The following HPCAL1 variants were observed in gnomAD, a reference collection of about 807,000 sequenced individuals.
The protein encoded by HPCAL1 is hippocalcin-like protein 1.
Under a neutral mutation model 17.1 loss-of-function variants are expected in HPCAL1, and 8 were observed. The ratio of observed to expected loss-of-function variants is 0.47; its 90% CI spans 0.27 to 0.84. The LOEUF (loss-of-function observed/expected upper bound fraction) is 0.84. HPCAL1 is among the 40% of genes least tolerant of loss of function. The pLI, the probability that HPCAL1 is intolerant of heterozygous loss-of-function variation, is 0.13. For missense variants in HPCAL1, 165 were observed against 271.1 expected (o/e 0.61, Z 2.75); for synonymous variants, 112 against 111.4 (o/e 1.01, Z -0.03).
chr2:10,365,170 T>C lies in HPCAL1; in HGVS notation c.-110-31665T>C, dbSNP rs1430103146. ...CTGAGTTCTGAACTTAGCCACCTCA[T>C]GTACGGAAGGAGAAATGGAGGCCGC... On this transcript the variant is annotated intron_variant, in intron 1 of 4. Coordinates refer to ENST00000307845, the MANE Select transcript of HPCAL1 (RefSeq NM_002149.4). This position sits in a 1 kb window ranked among gnomAD's most constrained non-coding sequence, Gnocchi z 4.8. Among the ~76,000 whole-genome samples the C allele has an allele frequency of 3.3e-5, 5 of 152,136 alleles. No individual in the cohort carries two copies. Among genetic ancestry groups the C allele is most frequent in the African/African-American group, 1.2e-4 (5 of 41,432 alleles).
chr2:10,374,912 G>A (rs1479679739), intron 1 of HPCAL1, among the ~76,000 whole-genome samples: 1 of 152,210 alleles, frequency 6.6e-6, no homozygotes, highest in Non-Finnish European at 1.5e-5. Flanking sequence ...CCAGAGAATA[G>A]GTGCCTTAAA....
chr2:10,404,980 G>A (rs1471167563), intron 2 of HPCAL1, among the ~76,000 whole-genome samples: 4 of 152,186 alleles, frequency 2.6e-5, no homozygotes, highest in South Asian at 2.1e-4. Flanking sequence ...CAAGATGGCC[G>A]CCTTTCTTGT....
At chr2:10,393,989 C>T (rs1282421536) in intron 1 of HPCAL1, among the ~76,000 whole-genome samples, 2 of 150,772 alleles carry the variant, frequency 1.3e-5, no homozygotes, top group South Asian at 2.1e-4. Flanking sequence ...TTGGGGTGCA[C>T]CTGTAGTCCC....
At chr2:10,412,880 G>A (rs976928756) in intron 2 of HPCAL1, among the ~76,000 whole-genome samples, 1 of 152,194 alleles carries the variant, frequency 6.6e-6, no homozygotes, top group Admixed American at 6.5e-5. Context: ...TTGTGGATGT[G>A]ATCAAGGTCA....
chr2:10,349,837 C>T (rs1486523907), intron 1 of HPCAL1, among the ~76,000 whole-genome samples: 2 of 149,748 alleles, frequency 1.3e-5, no homozygotes, highest in South Asian at 2.2e-4. Context: ...GCCAAGACCT[C>T]TCTTGGATTA....
intron 1 of HPCAL1, among the ~76,000 whole-genome samples, chr2:10,373,738 G>GCAGCC (rs1667375045): frequency 1.3e-5 from 2 of 152,138 alleles, no homozygotes; most frequent in South Asian, 4.2e-4. Flanking sequence ...GCCCCCCACA[G>GCAGCC]CAGCCCAGCC....
intron 2 of HPCAL1, among the ~76,000 whole-genome samples, chr2:10,411,929 C>T (rs1396199985): frequency 6.6e-6 from 1 of 152,172 alleles, no homozygotes; most frequent in Non-Finnish European, 1.5e-5. Flanking sequence ...GTTCTCCTGT[C>T]CAGTGTCTTT....
chr2:10,328,016 T>A (rs1242691045), intron 1 of HPCAL1, among the ~76,000 whole-genome samples: 1 of 152,226 alleles, frequency 6.6e-6, no homozygotes, highest in Non-Finnish European at 1.5e-5. Flanking sequence ...GTCCACAAGC[T>A]GTTCATGGTG....
rs1014255759 is a variant in HPCAL1 at position 10,362,153 on chromosome 2, T to G, written c.-110-34682T>G. Among the ~76,000 whole-genome samples, 15 of 152,218 alleles carry G rather than the reference T, an allele frequency of 9.9e-5. No homozygotes were observed. Among genetic ancestry groups the G allele is most frequent in the Non-Finnish European group, 2.1e-4 (14 of 68,042 alleles). On this transcript the variant is annotated intron_variant, in intron 1 of 4. Transcript: ENST00000307845. The surrounding 1 kb of genome is among the most constrained non-coding windows in gnomAD (Gnocchi z 5.0). ...GTGATGGGCAGGGCTGTGGAGCTGG[T>G]TCACTTGACTCTGCTGCCATTGCAT...
chr2:10,340,604 G>C (rs1665019181), intron 1 of HPCAL1, among the ~76,000 whole-genome samples: 1 of 152,206 alleles, frequency 6.6e-6, no homozygotes. Flanking sequence ...ACTTTCCAGG[G>C]CCACGCAGTC....
chr2:10,334,695 C>CTTTTTTTTTTTTTTT (rs553228833), intron 1 of HPCAL1, among the ~76,000 whole-genome samples: 5,323 of 145,592 alleles, frequency 0.037, 259 homozygotes, highest in Non-Finnish European at 0.05. Context: ...ATTCCATTGA[C>CTTTTTTTTTTTTTTT]TTTTTTTTGA....
At chr2:10,312,325 C>G (rs1456536672) in intron 1 of HPCAL1, among the ~76,000 whole-genome samples, 1 of 15,964 alleles carries the variant, frequency 6.3e-5, no homozygotes, top group Non-Finnish European at 1.0e-4. Flanking sequence ...ATCATCATAT[C>G]ATCATCATCA....
intron 2 of HPCAL1, among the ~76,000 whole-genome samples, chr2:10,408,169 C>T (rs1390768562): frequency 1.3e-5 from 2 of 152,248 alleles, no homozygotes; most frequent in African/African-American, 2.4e-5. Flanking sequence ...CCACCTCTTC[C>T]TTCTCACCAG....
Position 10,362,483 on chromosome 2 carries a change from A to C in HPCAL1, c.-110-34352A>C, listed in dbSNP as rs1241324371. On this transcript the variant is annotated intron_variant, in intron 1 of 4. Coordinates refer to ENST00000307845, the MANE Select transcript of HPCAL1 (RefSeq NM_002149.4). The surrounding 1 kb of genome is among the most constrained non-coding windows in gnomAD (Gnocchi z 5.0). ...AATGCAGGGGGCCGGGCTGAGCAAGAGGAGGAGAGGACAGGGAAGGAACAT... is the reference window on the plus strand; with the variant it reads ...AATGCAGGGGGCCGGGCTGAGCAAGCGGAGGAGAGGACAGGGAAGGAACAT... 6.6e-6 allele frequency among the ~76,000 whole-genome samples: 1 copy of C among 152,156 alleles called. No individual in the cohort carries two copies. Among genetic ancestry groups the C allele is most frequent in the African/African-American group, 2.4e-5 (1 of 41,418 alleles).
intron 1 of HPCAL1, among the ~76,000 whole-genome samples, chr2:10,374,234 C>A (rs75265384): frequency 0.038 from 5,812 of 151,692 alleles, 144 homozygotes; most frequent in South Asian, 0.13. Flanking sequence ...CCTGGGACAA[C>A]GGGCTGCATA....
intron 2 of HPCAL1, among the ~76,000 whole-genome samples, chr2:10,409,161 C>T (rs1354556287): frequency 6.6e-6 from 1 of 152,076 alleles, no homozygotes; most frequent in Non-Finnish European, 1.5e-5. Context: ...AGACTGGCGA[C>T]GGTTTATGTG....
chr2:10,420,194 GC>G, intron 3 of HPCAL1, 59 bp downstream of exon 3: 5 of 785,064 alleles, frequency 6.4e-6, no homozygotes, highest in Non-Finnish European at 9.5e-6. Flanking sequence ...CCAGCTCCCA[GC>G]CCCCAGCCCA....
chr2:10,416,189 G>C (rs1034767296), intron 2 of HPCAL1, among the ~76,000 whole-genome samples: 1 of 152,216 alleles, frequency 6.6e-6, no homozygotes, highest in Non-Finnish European at 1.5e-5. Flanking sequence ...ATAGGTCCTT[G>C]CAAAGACCCT....
At chr2:10,401,111 C>T (rs759358393) in intron 2 of HPCAL1, among the ~76,000 whole-genome samples, 5 of 152,200 alleles carry the variant, frequency 3.3e-5, no homozygotes, top group Non-Finnish European at 5.9e-5. Context: ...AGGACACTCC[C>T]CTGACCTTGC....
Sources: allele counts gnomAD v4.1 joint callset (sites outside exome capture counted in the v4.1 genomes callset), GRCh38; gene constraint gnomAD v4.1.1; non-coding constraint Gnocchi (gnomAD v3.1); transcripts MANE v1.5; gene names NCBI Gene and HGNC (gene_info 2026-07-23, HGNC 2026-07-21).